The following GRHL2 variants were observed in gnomAD, a reference collection of about 807,000 sequenced individuals.
GRHL2 encodes the protein grainyhead-like protein 2 homolog.
Under a neutral mutation model 83.8 loss-of-function variants are expected in GRHL2, and 21 were observed. The ratio of observed to expected loss-of-function variants is 0.25; its 90% confidence interval spans 0.18 to 0.36. GRHL2 has a LOEUF of 0.36. GRHL2 is among the 10% of genes least tolerant of loss of function. GRHL2 has a pLI of 1.00. For missense variants in GRHL2, 623 were observed against 781.8 expected, an observed-to-expected ratio of 0.80 and a Z score of 2.42; for synonymous variants, 280 against 278.9, an observed-to-expected ratio of 1.00 and a Z score of -0.04.
At chr8:101,565,547 C>T (rs1811700098) in intron 4 of GRHL2, among the ~76,000 whole-genome samples, 1 of 152,166 alleles carries the variant, frequency 6.6e-6, no homozygotes, top group Non-Finnish European at 1.5e-5. Flanking sequence ...GTGACATTAT[C>T]ATCTCTATGT....
At chr8:101,599,364 C>G (rs890517130) in intron 8 of GRHL2, among the ~76,000 whole-genome samples, 8 of 152,230 alleles carry the variant, frequency 5.3e-5, no homozygotes, top group African/African-American at 1.9e-4. Flanking sequence ...CCACCCAAAT[C>G]CTTCAGGCCC....
In GRHL2 at chr8:101,558,898, A is replaced by G. The variant is rs1299107711; in HGVS notation, c.678+86A>G. Reference sequence around the variant, plus strand: ...TCTATTTCCTTTCAAAGTGTGATAAATGAATTAAACAGCAAGTTTTAGCTT... The same window carrying G: ...TCTATTTCCTTTCAAAGTGTGATAAGTGAATTAAACAGCAAGTTTTAGCTT... On this transcript the variant is annotated intron_variant, in intron 4 of 15. Transcript: ENST00000646743. 3 of 1,428,478 alleles carry G rather than the reference A, an allele frequency of 2.1e-6. No homozygotes were observed. The African/African-American group carries it at 4.3e-5, about 20-fold the overall frequency. 88.5% of individuals were successfully genotyped at this position (1,428,478 alleles called of 1,614,324 possible). A position where few individuals can be genotyped will look rare whatever the true frequency, so the allele number is the denominator to read the frequency against.
At chr8:101,549,666 CCTCGTCTGGCCTTTG>C (rs1811338614) in intron 2 of GRHL2, among the ~76,000 whole-genome samples, 1 of 152,186 alleles carries the variant, frequency 6.6e-6, no homozygotes, top group Admixed American at 6.5e-5. Context: ...AGAGGCCTTT[CCTCGTCTGGCCTTTG>C]CTCATCTCTG....
chr8:101,636,686 G>T, intron 11 of GRHL2: 1 of 574,578 alleles, frequency 1.7e-6, no homozygotes, highest in Non-Finnish European at 3.1e-6. Context: ...TAACCCCATG[G>T]AGATTATAAG....
At position 101,644,217 on chromosome 8, in the gene GRHL2, C is replaced by T. The variant is rs1283775348; in HGVS notation, c.1604C>T (p.Thr535Ile). ...TCAAAGCAGATGAAAGAAGAAGGGA[C>T]AAAGCGAGGTATCTCTCCTGCTGGG... ...VPSKQMKEEGTKRVLLYVRKE... is the reference protein window; with the variant it reads ...VPSKQMKEEGIKRVLLYVRKE... Residue 535 changes from threonine (T) to isoleucine (I), a missense_variant, in exon 13 of 16, where the codon ACA becomes ATA. Around this residue, in one of 8 missense-constraint regions of GRHL2, gnomAD observed 210 missense variants for 254.8 expected, o/e 0.82. Coordinates refer to ENST00000646743, the MANE Select transcript of GRHL2 (RefSeq NM_024915.4). 1.2e-6 allele frequency: 2 copies of T among 1,613,124 alleles called. No homozygotes were observed. The highest frequency in any genetic ancestry group is 4.5e-5 in the East Asian group (2 of 44,842).
intron 4 of GRHL2, among the ~76,000 whole-genome samples, chr8:101,559,428 G>C (rs1279650246): frequency 6.6e-6 from 1 of 151,278 alleles, no homozygotes; most frequent in African/African-American, 2.4e-5. Context: ...TACTTGGGAG[G>C]CTGAGGCGGG....
At chr8:101,659,159 TAAC>T (rs768444557) in intron 14 of GRHL2, among the ~76,000 whole-genome samples, 6 of 152,220 alleles carry the variant, frequency 3.9e-5, no homozygotes, top group South Asian at 2.1e-4. Flanking sequence ...GTGAGACTAA[TAAC>T]AACTGTAATT....
At chr8:101,629,429 A>G (rs1813141939) in intron 9 of GRHL2, among the ~76,000 whole-genome samples, 1 of 152,152 alleles carries the variant, frequency 6.6e-6, no homozygotes, top group South Asian at 2.1e-4. Context: ...GGGAACAAAA[A>G]AAGTGCGGCT....
Position 101,599,148 on chromosome 8 carries a change from GA to G in GRHL2, c.1097del (p.Lys366ArgfsTer6). ...SFTWDVNEEA[K>X]IFITVNCLST... ...TTACCTGGGACGTGAATGAAGAGGC[GA>G]AGGTGAGTGACATTGATTCATTGTT... On this transcript the variant is annotated frameshift_variant and splice_region_variant, in exon 8 of 16. Coordinates refer to ENST00000646743, the MANE Select transcript of GRHL2 (RefSeq NM_024915.4). LOFTEE classifies it high-confidence loss of function. 1 of 1,589,782 alleles carries G rather than the reference GA, an allele frequency of 6.3e-7. No individual in the cohort carries two copies. The highest frequency in any genetic ancestry group is 8.6e-7 in the Non-Finnish European group (1 of 1,157,844).
In GRHL2 at chr8:101,558,612, G is replaced by T. The variant is rs776359158; in HGVS notation, c.478G>T (p.Ala160Ser). ...GGTGTCGGGAATCACGGTGGTGAAA[G>T]CTGAAGATTTCACACCAGTTTTCAT... Reference protein sequence around the residue: ...IPVSGITVVKAEDFTPVFMAP... With the variant: ...IPVSGITVVKSEDFTPVFMAP... The change falls in exon 4 of 16, where the codon GCT (alanine) becomes TCT (serine). Residue 160 changes from alanine to serine, a missense_variant. Physicochemically the swap from Ala to Ser is moderately conservative, Grantham distance 99 (BLOSUM62 1). This residue lies in a region of GRHL2 where 239 missense variants were observed against 240.5 expected (regional missense o/e 0.99). Coordinates refer to ENST00000646743, the MANE Select transcript of GRHL2 (RefSeq NM_024915.4). The T allele has an allele frequency of 6.2e-7, 1 of 1,614,130 alleles. No individual in the cohort carries two copies. Among genetic ancestry groups the T allele is most frequent in the Admixed American group, 1.7e-5 (1 of 60,024 alleles).
chr8:101,671,810 A>C (rs1586188487), downstream of GRHL2, among the ~76,000 whole-genome samples: 1 of 152,192 alleles, frequency 6.6e-6, no homozygotes, highest in Non-Finnish European at 1.5e-5. Flanking sequence ...CTGACATCTC[A>C]TATGTCCGGG....
At chr8:101,549,722 G>A (rs963166402) in intron 2 of GRHL2, among the ~76,000 whole-genome samples, 8 of 152,090 alleles carry the variant, frequency 5.3e-5, no homozygotes, top group Non-Finnish European at 8.8e-5. Flanking sequence ...CATTCCTCAC[G>A]TGGGACATGC....
At chr8:101,584,640 T>C (rs1175479379) in intron 7 of GRHL2, among the ~76,000 whole-genome samples, 1 of 152,216 alleles carries the variant, frequency 6.6e-6, no homozygotes, top group East Asian at 1.9e-4. Flanking sequence ...AAGCTGGCTT[T>C]GGATGAGCCC....
At chr8:101,671,130 A>C (rs1460348612), downstream of GRHL2, among the ~76,000 whole-genome samples, 2 of 152,168 alleles carry the variant, frequency 1.3e-5, no homozygotes, top group African/African-American at 4.8e-5. Flanking sequence ...TTTCCATCTG[A>C]GGTACCGGGT....
intron 12 of GRHL2, among the ~76,000 whole-genome samples, chr8:101,640,591 C>T (rs897918515): frequency 3.3e-5 from 5 of 152,154 alleles, no homozygotes; most frequent in African/African-American, 1.2e-4. Context: ...TTCTGGAGAT[C>T]TGGTCTTCAT....
At chr8:101,507,215 T>C (rs1462870906) in intron 1 of GRHL2, among the ~76,000 whole-genome samples, 1 of 147,346 alleles carries the variant, frequency 6.8e-6, no homozygotes, top group Non-Finnish European at 1.5e-5. Flanking sequence ...CTGGCTATCA[T>C]TTCAACTTGT....
intron 4 of GRHL2, among the ~76,000 whole-genome samples, chr8:101,559,667 T>C (rs555089194): frequency 4.1e-4 from 63 of 152,358 alleles, no homozygotes; most frequent in African/African-American, 1.5e-3. Context: ...AGAATATGTA[T>C]TCTTCTCAGG....
chr8:101,649,314 G>T, intron 13 of GRHL2, 100 bp from the exon 14 acceptor site: 3 of 892,850 alleles, frequency 3.4e-6, no homozygotes, highest in Non-Finnish European at 3.7e-6. Flanking sequence ...CGCAGGAGGT[G>T]CCACTCTCCA....
rs149418092 is a variant in GRHL2 at position 101,522,721 on chromosome 8, T to TTATACATATACA, written c.21-20509_21-20498dup. Reference sequence around the variant, plus strand: ...CCAAGCCTTACAAATACAAGTATGTTTATACATATACATATACATATATAT... The same window carrying TTATACATATACA: ...CCAAGCCTTACAAATACAAGTATGTTTATACATATACATATACATATACATATACATATATAT... On this transcript the variant is annotated intron_variant, in intron 1 of 15. Transcript: ENST00000646743. Among the ~76,000 whole-genome samples, 1,245 of 149,658 alleles carry TTATACATATACA rather than the reference T, an allele frequency of 8.3e-3. 21 individuals carry two copies. The highest frequency in any genetic ancestry group is 0.029 in the African/African-American group (1,168 of 40,416).
Sources: gnomAD v4.1 joint callset for allele counts (sites outside exome capture counted in the v4.1 genomes callset) on GRCh38, gnomAD v4.1.1 for gene constraint, gnomAD v4.1.1 regional missense constraint, MANE v1.5 for transcripts, NCBI Gene and HGNC (gene_info 2026-07-23, HGNC 2026-07-21) for gene names.